Variants in ADAM32 observed in about 807,000 individuals in gnomAD.
The protein encoded by ADAM32 is disintegrin and metalloproteinase domain-containing protein 32.
ADAM32 carries 89 observed loss-of-function variants against 114.9 expected under a neutral mutation model. The ratio of observed to expected loss-of-function variants is 0.77; its 90% CI spans 0.65 to 0.92. The LOEUF (loss-of-function observed/expected upper bound fraction) is 0.92. Ranked by LOEUF, ADAM32 falls within the 40% of genes least tolerant of loss-of-function variation. The pLI is 0.00. For synonymous variants in ADAM32, 285 were observed against 307.5 expected, an observed-to-expected ratio of 0.93 and a Z score of 0.77; for missense variants, 870 against 932.8, an observed-to-expected ratio of 0.93 and a Z score of 0.88.
At chr8:39,230,532 G>A (rs1297761657) in intron 14 of ADAM32, among the ~76,000 whole-genome samples, 5 of 151,976 alleles carry the variant, frequency 3.3e-5, no homozygotes, top group East Asian at 3.9e-4. Flanking sequence ...TCCTTTCTTC[G>A]GATAATCTCT....
chr8:39,141,092 T>TA (rs1803124377), intron 3 of ADAM32, among the ~76,000 whole-genome samples: 1 of 152,206 alleles, frequency 6.6e-6, no homozygotes, highest in Non-Finnish European at 1.5e-5. Context: ...TTCTTCTTTA[T>TA]TAGTCTTGCT....
At chr8:39,133,759 G>A (rs965444252) in intron 2 of ADAM32, among the ~76,000 whole-genome samples, 2 of 152,310 alleles carry the variant, frequency 1.3e-5, no homozygotes, top group East Asian at 1.9e-4. Context: ...ATAGCAGGTG[G>A]GGCTGGCCAG....
intron 2 of ADAM32, chr8:39,131,980 G>A (rs566914018): frequency 4.7e-5 from 15 of 318,480 alleles, no homozygotes; most frequent in South Asian, 9.1e-5. Flanking sequence ...CTCAATCTCC[G>A]TCTCCCGGGT....
chr8:39,120,910 G>GT (rs111862266), intron 2 of ADAM32, among the ~76,000 whole-genome samples: 11 of 152,224 alleles, frequency 7.2e-5, no homozygotes, highest in African/African-American at 2.6e-4. Flanking sequence ...GGTAGAAATT[G>GT]TGGGGGAAAA....
At chr8:39,143,285 G>T (rs1470136301) in intron 3 of ADAM32, among the ~76,000 whole-genome samples, 1 of 152,140 alleles carries the variant, frequency 6.6e-6, no homozygotes, top group Non-Finnish European at 1.5e-5. Flanking sequence ...AGGAGAAGAG[G>T]CACTCTGTTT....
rs552564069 is a variant in ADAM32 at position 39,128,289 on chromosome 8, T to A, written c.139-8368T>A. On this transcript the variant is annotated intron_variant, in intron 2 of 24. Coordinates refer to ENST00000379907, the MANE Select transcript of ADAM32 (RefSeq NM_145004.7). The stretch of plus-strand genomic sequence containing the variant: ...CATTATGTAATGCCCTTCTTTGTCA[T>A]TTTTTATCTTTGTTGGTTTATAGTC... Among the ~76,000 whole-genome samples, 63 of 152,256 alleles carry A rather than the reference T, an allele frequency of 4.1e-4. 2 individuals carry two copies. Among genetic ancestry groups the A allele is most frequent in the Admixed American group, 3.9e-3 (59 of 15,280 alleles).
intron 6 of ADAM32, among the ~76,000 whole-genome samples, chr8:39,160,291 A>G (rs958719199): frequency 2.0e-5 from 3 of 152,248 alleles, no homozygotes; most frequent in African/African-American, 7.2e-5. Flanking sequence ...CTGTAATCCC[A>G]GCACTTTGGG....
chr8:39,209,844 C>T (rs770216694), intron 11 of ADAM32, among the ~76,000 whole-genome samples: 3 of 152,152 alleles, frequency 2.0e-5, no homozygotes, highest in Non-Finnish European at 4.4e-5. Flanking sequence ...GAAGGAGTTG[C>T]TCTCTATACT....
Position 39,277,766 on chromosome 8 carries a change from C to T in ADAM32, c.2279+1900C>T, listed in dbSNP as rs112484914. 8.9e-3 allele frequency among the ~76,000 whole-genome samples: 1,360 copies of T among 152,332 alleles called. 18 individuals are homozygous for T. Among genetic ancestry groups the T allele is most frequent in the African/African-American group, 0.031 (1,286 of 41,584 alleles). Reference sequence around the variant, plus strand: ...CAGCACTTTTGGGCGCCGGCAGGGGCGAACTCTGTGCAGGCCCTGCAGCGG... The same window carrying T: ...CAGCACTTTTGGGCGCCGGCAGGGGTGAACTCTGTGCAGGCCCTGCAGCGG... On this transcript the variant is annotated intron_variant, in intron 22 of 24. Transcript: ENST00000379907.
At chr8:39,135,046 T>G (rs1390857038) in intron 2 of ADAM32, among the ~76,000 whole-genome samples, 1 of 152,074 alleles carries the variant, frequency 6.6e-6, no homozygotes, top group Non-Finnish European at 1.5e-5. Context: ...TTCCAGCTCC[T>G]CGGGAGGCTG....
chr8:39,212,368 A>G (rs1808285306), intron 12 of ADAM32, among the ~76,000 whole-genome samples: 1 of 152,146 alleles, frequency 6.6e-6, no homozygotes, highest in South Asian at 2.1e-4. Flanking sequence ...CATACAATAA[A>G]ATGCACCCAT....
chr8:39,252,924 C>G (rs1811396197), intron 17 of ADAM32, among the ~76,000 whole-genome samples: 1 of 151,630 alleles, frequency 6.6e-6, no homozygotes. Context: ...ACAAAACTTT[C>G]TAGCGAAGAA....
intron 18 of ADAM32, 107 bp from the exon 19 acceptor site, chr8:39,257,080 G>T: frequency 6.2e-6 from 7 of 1,123,988 alleles, no homozygotes; most frequent in Non-Finnish European, 8.5e-6. Flanking sequence ...CATGTTCCTT[G>T]AATAACAATA....
intron 11 of ADAM32, among the ~76,000 whole-genome samples, chr8:39,187,487 G>T (rs1341371878): frequency 6.6e-6 from 1 of 152,180 alleles, no homozygotes; most frequent in Admixed American, 6.5e-5. Context: ...TAGCCAGGAT[G>T]GTCTCGATCT....
At chr8:39,113,361 T>C (rs879530073) in intron 1 of ADAM32, among the ~76,000 whole-genome samples, 3 of 150,344 alleles carry the variant, frequency 2.0e-5, no homozygotes, top group African/African-American at 7.6e-5. Flanking sequence ...GTGCCATCTA[T>C]ATCTTGAACT....
At chr8:39,233,475 A>G (rs1809881623) in intron 15 of ADAM32, among the ~76,000 whole-genome samples, 1 of 152,220 alleles carries the variant, frequency 6.6e-6, no homozygotes, top group Non-Finnish European at 1.5e-5. Context: ...GAGGATGACC[A>G]GAGGTCACTT....
chr8:39,202,530 T>A (rs541159776), intron 11 of ADAM32, among the ~76,000 whole-genome samples: 1 of 152,206 alleles, frequency 6.6e-6, no homozygotes, highest in African/African-American at 2.4e-5. Context: ...TCTTCTTTGT[T>A]AGTCTTGCTA....
At chr8:39,171,011 G>A (rs1460729706) in intron 10 of ADAM32, among the ~76,000 whole-genome samples, 1 of 152,136 alleles carries the variant, frequency 6.6e-6, no homozygotes, top group Non-Finnish European at 1.5e-5. Flanking sequence ...TTGGCTCACT[G>A]CAACCTCCGC....
intron 2 of ADAM32, among the ~76,000 whole-genome samples, chr8:39,131,252 G>A (rs572985617): frequency 6.6e-6 from 1 of 152,098 alleles, no homozygotes; most frequent in Non-Finnish European, 1.5e-5. Flanking sequence ...CACCGTGCCT[G>A]GCCAGGAGGA....
Sources: allele counts gnomAD v4.1 joint callset (sites outside exome capture counted in the v4.1 genomes callset), GRCh38; gene constraint gnomAD v4.1.1; transcripts MANE v1.5; gene names NCBI Gene and HGNC (gene_info 2026-07-23, HGNC 2026-07-21).